The following NEDD4L variants were observed in gnomAD, a reference collection of about 807,000 sequenced individuals.
NEDD4L encodes the protein NEDD4 like E3 ubiquitin protein ligase.
NEDD4L carries 54 observed loss-of-function variants against 148.9 expected under a neutral mutation model. The ratio of observed to expected loss-of-function variants is 0.36; its 90% CI spans 0.29 to 0.45. The LOEUF is 0.45. Ranked by LOEUF, NEDD4L falls within the 20% of genes least tolerant of loss-of-function variation. The probability of loss-of-function intolerance (pLI) is 1.00; values close to 1 mark genes in which losing one functional copy is unlikely to be tolerated. For synonymous variants in NEDD4L, 433 were observed against 440.7 expected (o/e 0.98, Z 0.22); for missense variants, 856 against 1,233.8 (o/e 0.69, Z 4.59).
chr18:58,192,094 A>G (rs971073317), intron 2 of NEDD4L, among the ~76,000 whole-genome samples: 5 of 152,186 alleles, frequency 3.3e-5, no homozygotes, highest in Admixed American at 3.3e-4. Flanking sequence ...TAGCTTGAAT[A>G]CAAGAGTTGG....
chr18:58,299,412 T>TTGGC (rs2056153134), intron 5 of NEDD4L, among the ~76,000 whole-genome samples: 1 of 152,270 alleles, frequency 6.6e-6, no homozygotes, highest in Non-Finnish European at 1.5e-5. Flanking sequence ...GATATATTTC[T>TTGGC]TGGCTGCTAG....
intron 5 of NEDD4L, among the ~76,000 whole-genome samples, chr18:58,299,577 TAA>T (rs1390356004): frequency 6.6e-6 from 1 of 152,246 alleles, no homozygotes; most frequent in African/African-American, 2.4e-5. Context: ...TGAAATGCCC[TAA>T]GTTATCTTCT....
At chr18:58,193,542 A>T (rs2040343276) in intron 2 of NEDD4L, among the ~76,000 whole-genome samples, 1 of 152,230 alleles carries the variant, frequency 6.6e-6, no homozygotes, top group East Asian at 1.9e-4. Context: ...GAGAGTATCC[A>T]ACTTACACAC....
intron 5 of NEDD4L, among the ~76,000 whole-genome samples, chr18:58,252,925 A>C (rs899295693): frequency 6.6e-6 from 1 of 152,266 alleles, no homozygotes; most frequent in East Asian, 1.9e-4. Flanking sequence ...TTTCTTAACT[A>C]TCTAAAACGT....
At chr18:58,386,305 C>T (rs2049015180) in intron 26 of NEDD4L, among the ~76,000 whole-genome samples, 1 of 152,078 alleles carries the variant, frequency 6.6e-6, no homozygotes, top group South Asian at 2.1e-4. Context: ...CCCGCCCCGG[C>T]CTCCCAAAGT....
In NEDD4L at chr18:58,364,117, G is replaced by GT. The variant is rs1053571081; in HGVS notation, c.1768-150dup. On this transcript the variant is annotated intron_variant, in intron 19 of 30. Transcript: ENST00000400345. ...CAGTTCTAGGACTTTCCCCTGTGCT[G>GT]TGTAGACATTATCTAATTTTTCCAT... The GT allele has an allele frequency of 1.1e-5, 7 of 631,272 alleles. No homozygotes were observed. The African/African-American group carries it at 1.1e-4, about 10-fold the overall frequency. The allele number at this position is 631,272 out of a possible 1,614,324, so 39.1% of individuals were successfully genotyped here. A position where few individuals can be genotyped will look rare whatever the true frequency, so the allele number is the denominator to read the frequency against.
At chr18:58,329,562 G>A (rs1456366680) in intron 10 of NEDD4L, among the ~76,000 whole-genome samples, 4 of 151,938 alleles carry the variant, frequency 2.6e-5, no homozygotes, top group Admixed American at 6.6e-5. Flanking sequence ...TCACCATGTT[G>A]GCTAGGATGG....
At chr18:58,324,956 G>GAACC in intron 8 of NEDD4L, 40 bp from the exon 9 acceptor site, 1 of 1,583,708 alleles carries the variant, frequency 6.3e-7, no homozygotes, top group East Asian at 2.2e-5. Flanking sequence ...CACAGCCGAA[G>GAACC]AACCAACCTC....
chr18:58,255,005 G>T (rs1377966026), intron 5 of NEDD4L, among the ~76,000 whole-genome samples: 1 of 152,164 alleles, frequency 6.6e-6, no homozygotes, highest in Non-Finnish European at 1.5e-5. Flanking sequence ...CATGGTATCC[G>T]ATGCTTGGGA....
intron 5 of NEDD4L, among the ~76,000 whole-genome samples, chr18:58,274,195 C>G (rs1372068564): frequency 1.3e-5 from 2 of 152,210 alleles, no homozygotes; most frequent in African/African-American, 4.8e-5. Context: ...CAGCCCATCA[C>G]CATCCAACTA....
chr18:58,180,679 G>A (rs2038761780), intron 2 of NEDD4L, among the ~76,000 whole-genome samples: 1 of 152,158 alleles, frequency 6.6e-6, no homozygotes, highest in Admixed American at 6.5e-5. Context: ...TGTAGGTTTA[G>A]GACATTCTTT....
chr18:58,182,414 A>G (rs1423861114), intron 2 of NEDD4L, among the ~76,000 whole-genome samples: 1 of 151,894 alleles, frequency 6.6e-6, no homozygotes. Context: ...GTTAAAATAA[A>G]GTTTATTTTC....
In NEDD4L at chr18:58,341,776, A is replaced by G. The variant is rs1273662805; in HGVS notation, c.1356A>G (p.Val452=). 6.2e-7 allele frequency: 1 copy of G among 1,613,456 alleles called. No individual in the cohort carries two copies. Among genetic ancestry groups the G allele is most frequent in the East Asian group, 2.2e-5 (1 of 44,902 alleles). ...RRPRSLSSPT[V]TLSAPLEGAK... is the part of the protein sequence containing the mutation. ...CTCGTAGCCTCAGCTCGCCAACAGT[A>G]ACTTTATCTGCCCCGCTGGAGGTGA... is the stretch of plus-strand genomic sequence containing the variant. Residue 452 remains valine (V), a synonymous_variant, in exon 15 of 31, where the codon GTA becomes GTG. Transcript: ENST00000400345.
intron 2 of NEDD4L, among the ~76,000 whole-genome samples, chr18:58,226,697 G>A (rs866308841): frequency 2.0e-4 from 31 of 152,280 alleles, no homozygotes; most frequent in Middle Eastern, 3.4e-3. Flanking sequence ...TAATAGCCTC[G>A]GCTCACCAAG....
At chr18:58,317,944 G>T (rs183718528) in intron 6 of NEDD4L, among the ~76,000 whole-genome samples, 4 of 152,306 alleles carry the variant, frequency 2.6e-5, no homozygotes, top group Admixed American at 2.6e-4. Context: ...AAGGAGAGGC[G>T]TGAAGGTATA....
In NEDD4L at chr18:58,350,975, C is replaced by G. The variant is rs1212806027; in HGVS notation, c.1654-16C>G. On this transcript the variant is annotated splice_polypyrimidine_tract_variant and intron_variant, in intron 17 of 30. Coordinates refer to ENST00000400345, the MANE Select transcript of NEDD4L (RefSeq NM_001144967.3). ...ATGTTTATATTTTCTCTCTCCCTTC[C>G]TTCCCCGGATACTAGCCTGGCTGGG... is the stretch of plus-strand genomic sequence containing the variant. 1 of 1,577,154 alleles carries G rather than the reference C, an allele frequency of 6.3e-7. No homozygotes were observed. Among genetic ancestry groups the G allele is most frequent in the African/African-American group, 1.3e-5 (1 of 74,206 alleles).
intron 1 of NEDD4L, among the ~76,000 whole-genome samples, chr18:58,096,552 C>T (rs1304914982): frequency 2.6e-5 from 4 of 151,950 alleles, no homozygotes; most frequent in Non-Finnish European, 5.9e-5. Flanking sequence ...TACAGGCATG[C>T]ACCACAATGC....
At chr18:58,293,539 A>G (rs1341802886) in intron 5 of NEDD4L, among the ~76,000 whole-genome samples, 1 of 152,238 alleles carries the variant, frequency 6.6e-6, no homozygotes, top group Admixed American at 6.5e-5. Flanking sequence ...GCTTCTGAAG[A>G]ATCCATCAAC....
intron 2 of NEDD4L, chr18:58,193,814 C>T (rs2040372910): frequency 6.6e-6 from 1 of 152,256 alleles, no homozygotes; most frequent in Admixed American, 6.5e-5. Flanking sequence ...CTAAGTCTTG[C>T]TCACCGGTCA....
Sources: allele counts gnomAD v4.1 joint callset (sites outside exome capture counted in the v4.1 genomes callset), GRCh38; gene constraint gnomAD v4.1.1; transcripts MANE v1.5; gene names NCBI Gene and HGNC (gene_info 2026-07-23, HGNC 2026-07-21).